The following ITGBL1 variants were observed in gnomAD, a reference collection of about 807,000 sequenced individuals.
ITGBL1 encodes integrin beta-like protein 1.
A neutral mutation model predicts 68.5 loss-of-function variants in ITGBL1; 51 were observed. That is an observed-to-expected ratio of 0.74 (90% CI 0.59 to 0.94). ITGBL1 has a LOEUF of 0.94. Among genes scored for constraint, ITGBL1 ranks in the 40% least tolerant of loss-of-function variants. The pLI is 0.00. For missense variants in ITGBL1, 649 were observed against 647.4 expected (o/e 1.00, Z -0.03); for synonymous variants, 209 against 227.3 (o/e 0.92, Z 0.72).
chr13:101,681,382 C>A (rs1357698415), intron 7 of ITGBL1, among the ~76,000 whole-genome samples: 1 of 152,038 alleles, frequency 6.6e-6, no homozygotes, highest in African/African-American at 2.4e-5. Context: ...AGGCATCTAC[C>A]CTGTGGCTTC....
At chr13:101,548,383 A>T (rs537330390) in intron 2 of ITGBL1, among the ~76,000 whole-genome samples, 2 of 151,954 alleles carry the variant, frequency 1.3e-5, no homozygotes, top group East Asian at 1.9e-4. Context: ...ATATTGAGAG[A>T]TCGATCTACT....
chr13:101,570,583 A>T (rs1299017046), intron 3 of ITGBL1, among the ~76,000 whole-genome samples: 1 of 152,196 alleles, frequency 6.6e-6, no homozygotes, highest in Admixed American at 6.5e-5. Context: ...CTGAGCAAAC[A>T]ATGATTCATG....
rs909571347 is a variant in ITGBL1 at position 101,452,905 on chromosome 13, T to A, written c.72T>A (p.Val24=). 2 of 1,614,082 alleles carry A rather than the reference T, an allele frequency of 1.2e-6. No homozygotes were observed. Among genetic ancestry groups the A allele is most frequent in the African/African-American group, 2.7e-5 (2 of 74,938 alleles). ...SSLLFAGLSA[V]PQSFSPSLRS... ...TTCTCTTTGCTGGGTTGTCAGCTGTTCCTCAAAGCTTCTCGCCATCTCTGA... is the reference window on the plus strand; with the variant it reads ...TTCTCTTTGCTGGGTTGTCAGCTGTACCTCAAAGCTTCTCGCCATCTCTGA... Residue 24 remains valine (V), a synonymous_variant, in exon 1 of 11, where the codon GTT becomes GTA. Coordinates refer to ENST00000376180, the MANE Select transcript of ITGBL1 (RefSeq NM_004791.3).
At chr13:101,620,805 T>G (rs913787095) in intron 7 of ITGBL1, among the ~76,000 whole-genome samples, 4 of 152,200 alleles carry the variant, frequency 2.6e-5, no homozygotes, top group Admixed American at 6.6e-5. Context: ...GTCATGGTCC[T>G]TCTCAGTGCC....
intron 2 of ITGBL1, among the ~76,000 whole-genome samples, chr13:101,455,097 TCCAGCC>T: frequency 6.6e-6 from 1 of 152,184 alleles, no homozygotes. Flanking sequence ...CACAATGCAT[TCCAGCC>T]AGGGTTTGGC....
At chr13:101,624,478 G>A (rs1020750148) in intron 7 of ITGBL1, among the ~76,000 whole-genome samples, 3 of 152,154 alleles carry the variant, frequency 2.0e-5, no homozygotes, top group Non-Finnish European at 4.4e-5. Flanking sequence ...CCATGGAAGG[G>A]AGGTGAGGAC....
intron 7 of ITGBL1, among the ~76,000 whole-genome samples, chr13:101,662,515 T>C (rs1400675422): frequency 6.6e-6 from 1 of 152,182 alleles, no homozygotes; most frequent in Non-Finnish European, 1.5e-5. Flanking sequence ...TCTGACTTTT[T>C]TCCATTACCA....
At chr13:101,702,916 T>C (rs1441957356) in intron 8 of ITGBL1, among the ~76,000 whole-genome samples, 2 of 152,170 alleles carry the variant, frequency 1.3e-5, no homozygotes, top group Non-Finnish European at 2.9e-5. Flanking sequence ...GATAGGGGCG[T>C]AGGGGTGCCA....
intron 2 of ITGBL1, among the ~76,000 whole-genome samples, chr13:101,472,653 GTCAACTGTTTTAAA>G (rs1303780384): frequency 2.0e-5 from 3 of 152,092 alleles, no homozygotes; most frequent in Non-Finnish European, 4.4e-5. Context: ...TGGGTGGCCA[GTCAACTGTTTTAAA>G]TTAACTGACA....
At chr13:101,571,763 T>C (rs1379103918) in intron 3 of ITGBL1, among the ~76,000 whole-genome samples, 1 of 152,182 alleles carries the variant, frequency 6.6e-6, no homozygotes, top group Non-Finnish European at 1.5e-5. Context: ...TTCCATGTGT[T>C]CTTTTGCACT....
chr13:101,458,233 CT>C (rs763484334), intron 2 of ITGBL1, among the ~76,000 whole-genome samples: 48 of 152,200 alleles, frequency 3.2e-4, no homozygotes, highest in Non-Finnish European at 5.9e-4. Flanking sequence ...TATATTATGG[CT>C]AAAAGTTCTT....
intron 7 of ITGBL1, among the ~76,000 whole-genome samples, chr13:101,681,475 TA>T (rs2033639857): frequency 6.6e-6 from 1 of 152,158 alleles, no homozygotes; most frequent in Admixed American, 6.5e-5. Flanking sequence ...TGGTCCTGAA[TA>T]AATAATGACT....
At chr13:101,460,645 G>A (rs974927667) in intron 2 of ITGBL1, among the ~76,000 whole-genome samples, 2 of 152,178 alleles carry the variant, frequency 1.3e-5, no homozygotes, top group African/African-American at 4.8e-5. Context: ...AGACTGGGTA[G>A]GTTGTAAAGG....
chr13:101,708,675 T>G (rs1372663450), intron 9 of ITGBL1, among the ~76,000 whole-genome samples: 2 of 152,182 alleles, frequency 1.3e-5, no homozygotes, highest in Admixed American at 6.5e-5. Flanking sequence ...TCAAAGAGGA[T>G]GGATGCTGTG....
At chr13:101,679,933 C>A (rs2033602410) in intron 7 of ITGBL1, among the ~76,000 whole-genome samples, 2 of 152,258 alleles carry the variant, frequency 1.3e-5, no homozygotes, top group Admixed American at 6.5e-5. Flanking sequence ...CTCACATAGT[C>A]CATGACTGAT....
intron 7 of ITGBL1, among the ~76,000 whole-genome samples, chr13:101,614,291 A>T (rs2031261571): frequency 6.6e-6 from 1 of 152,094 alleles, no homozygotes; most frequent in African/African-American, 2.4e-5. Flanking sequence ...AATAATATGG[A>T]GGAATGTATT....
At chr13:101,586,469 C>T (rs1205875363) in intron 6 of ITGBL1, among the ~76,000 whole-genome samples, 3 of 152,166 alleles carry the variant, frequency 2.0e-5, no homozygotes, top group Non-Finnish European at 4.4e-5. Context: ...CTATTGGACC[C>T]TTGCTGAGTT....
chr13:101,538,782 A>T (rs1204734122), intron 2 of ITGBL1, among the ~76,000 whole-genome samples: 1 of 152,180 alleles, frequency 6.6e-6, no homozygotes, highest in Non-Finnish European at 1.5e-5. Context: ...GAGAGCAGAG[A>T]TAAGTTCTTT....
intron 2 of ITGBL1, among the ~76,000 whole-genome samples, chr13:101,482,398 A>G (rs1378746702): frequency 6.6e-6 from 1 of 151,778 alleles, no homozygotes; most frequent in Admixed American, 6.6e-5. Flanking sequence ...AATTATATTT[A>G]TTTGTAAAAA....
Sources: allele counts gnomAD v4.1 joint callset (sites outside exome capture counted in the v4.1 genomes callset), GRCh38; gene constraint gnomAD v4.1.1; transcripts MANE v1.5; gene names NCBI Gene and HGNC (gene_info 2026-07-23, HGNC 2026-07-21).